PRR5L: variants seen among roughly 807,000 people sequenced by gnomAD.
The protein encoded by PRR5L is proline-rich protein 5-like.
PRR5L carries 21 observed loss-of-function variants against 36.4 expected under a neutral mutation model. The observed-to-expected ratio is 0.58, with a 90% CI of 0.41 to 0.83. The LOEUF (loss-of-function observed/expected upper bound fraction) is 0.83, where lower values mean the gene tolerates loss of function less well. Among genes scored for constraint, PRR5L ranks in the 40% least tolerant of loss-of-function variants. The probability of loss-of-function intolerance (pLI) is 0.00; values close to 1 mark genes in which losing one functional copy is unlikely to be tolerated. For missense variants in PRR5L, 381 were observed against 473.3 expected (o/e 0.80, Z 1.81); for synonymous variants, 188 against 197.0 (o/e 0.95, Z 0.38).
chr11:36,325,224 G>A (rs1027315095), intron 1 of PRR5L, among the ~76,000 whole-genome samples: 13 of 152,310 alleles, frequency 8.5e-5, no homozygotes, highest in Middle Eastern at 3.4e-3. Context: ...CGACCAACCC[G>A]GGCACTTAAC....
At chr11:36,443,974 A>G (rs905911077) in intron 6 of PRR5L, among the ~76,000 whole-genome samples, 3 of 152,240 alleles carry the variant, frequency 2.0e-5, no homozygotes, top group Admixed American at 2.0e-4. Context: ...GGAGAGCAAC[A>G]TGGCAGTATT....
At chr11:36,411,923 G>A (rs1858035856) in intron 3 of PRR5L, among the ~76,000 whole-genome samples, 1 of 152,188 alleles carries the variant, frequency 6.6e-6, no homozygotes, top group South Asian at 2.1e-4. Context: ...TCAAGACCCA[G>A]GGCTTCAGAG....
chr11:36,447,889 G>A (rs560819916), intron 7 of PRR5L, among the ~76,000 whole-genome samples: 6 of 152,208 alleles, frequency 3.9e-5, no homozygotes, highest in Non-Finnish European at 8.8e-5. Context: ...TCGGGTCTGA[G>A]AAGCCTTAAT....
chr11:36,382,502 A>G (rs1857387261), intron 1 of PRR5L, among the ~76,000 whole-genome samples: 1 of 152,212 alleles, frequency 6.6e-6, no homozygotes, highest in East Asian at 1.9e-4. Flanking sequence ...AAACCACAGA[A>G]TCCGATTCAG....
intron 1 of PRR5L, among the ~76,000 whole-genome samples, chr11:36,316,337 G>A (rs981643984): frequency 1.3e-5 from 2 of 152,170 alleles, no homozygotes; most frequent in African/African-American, 4.8e-5. Flanking sequence ...CCACTGCCTA[G>A]ACAGAGCTGA....
chr11:36,362,455 G>T (rs1857100476), intron 1 of PRR5L, among the ~76,000 whole-genome samples: 1 of 151,076 alleles, frequency 6.6e-6, no homozygotes, highest in Non-Finnish European at 1.5e-5. Context: ...CGGGGGCGGT[G>T]GTTGGTGGGA....
intron 3 of PRR5L, among the ~76,000 whole-genome samples, chr11:36,416,859 T>TA: frequency 6.6e-6 from 1 of 152,154 alleles, no homozygotes; most frequent in East Asian, 1.9e-4. Flanking sequence ...CTCAACTGGG[T>TA]AGCATCAGGA....
chr11:36,333,919 A>C (rs1035804406), intron 1 of PRR5L, among the ~76,000 whole-genome samples: 4 of 152,200 alleles, frequency 2.6e-5, no homozygotes, highest in Admixed American at 6.5e-5. Context: ...TTAAAAAGTA[A>C]AAGGAGCTGT....
At chr11:36,310,496 C>A (rs1856489322) in intron 1 of PRR5L, among the ~76,000 whole-genome samples, 3 of 152,132 alleles carry the variant, frequency 2.0e-5, no homozygotes, top group Admixed American at 6.5e-5. Flanking sequence ...TGGAAGGTTA[C>A]TGTTACACAA....
chr11:36,345,777 C>T (rs191877174), intron 1 of PRR5L, among the ~76,000 whole-genome samples: 7 of 152,160 alleles, frequency 4.6e-5, no homozygotes, highest in Non-Finnish European at 8.8e-5. Flanking sequence ...GTGGGTAGGT[C>T]AGGTAACAGC....
At chr11:36,431,983 T>C in intron 5 of PRR5L, 73 bp downstream of exon 5, 1 of 1,345,754 alleles carries the variant, frequency 7.4e-7, no homozygotes, top group Non-Finnish European at 1.1e-6. Context: ...GCTGAGATGC[T>C]TCTGTCCAGA....
intron 1 of PRR5L, among the ~76,000 whole-genome samples, chr11:36,325,149 C>T (rs1856647899): frequency 6.6e-6 from 1 of 152,120 alleles, no homozygotes; most frequent in Admixed American, 6.5e-5. Flanking sequence ...TTTTATAGCT[C>T]TATTAGAAGC....
chr11:36,393,776 A>G (rs1469996477), intron 1 of PRR5L: 1 of 152,226 alleles, frequency 6.6e-6, no homozygotes, highest in Non-Finnish European at 1.5e-5. Context: ...TAGTATGGAC[A>G]TTTTAACAAT....
intron 1 of PRR5L, chr11:36,376,294 GGGA>G: frequency 8.8e-7 from 1 of 1,139,726 alleles, no homozygotes; most frequent in South Asian, 1.6e-5. Flanking sequence ...CAGGAAAAGT[GGGA>G]GGAGAAGGAG....
chr11:36,463,331 GATCT>G lies in PRR5L; in HGVS notation c.*599_*602del, dbSNP rs1171074074. On this transcript the variant is annotated 3_prime_UTR_variant, in exon 9 of 9. Transcript: ENST00000530639. Reference sequence around the variant, plus strand: ...GAAAGTTACCCCACTGGTGGGTGAGGATCTATCCTCAACCTACATCCAGATCCTA... The same window carrying G: ...GAAAGTTACCCCACTGGTGGGTGAGGATCCTCAACCTACATCCAGATCCTA... 1 of 152,196 alleles carries G rather than the reference GATCT, an allele frequency of 6.6e-6. No individual in the cohort carries two copies. The highest frequency in any genetic ancestry group is 2.4e-5 in the African/African-American group (1 of 41,432). The allele number at this position is 152,196 out of a possible 1,614,324, so 9.4% of individuals were successfully genotyped here.
intron 1 of PRR5L, among the ~76,000 whole-genome samples, chr11:36,378,128 G>A (rs1857309284): frequency 6.6e-6 from 1 of 152,178 alleles, no homozygotes; most frequent in South Asian, 2.1e-4. Flanking sequence ...ATGTCAAAGT[G>A]CTGAGCTGTG....
intron 1 of PRR5L, among the ~76,000 whole-genome samples, chr11:36,378,934 C>T (rs547068469): frequency 6.6e-6 from 1 of 152,336 alleles, no homozygotes; most frequent in South Asian, 2.1e-4. Flanking sequence ...ACTCCAGACT[C>T]ATAGTCTGGA....
At chr11:36,443,533 C>A (rs1348620474) in intron 6 of PRR5L, among the ~76,000 whole-genome samples, 2 of 152,112 alleles carry the variant, frequency 1.3e-5, no homozygotes, top group African/African-American at 2.4e-5. Flanking sequence ...CCTTGGTTTT[C>A]TTCTAGAAAA....
At chr11:36,340,676 G>T (rs1438841052) in intron 1 of PRR5L, among the ~76,000 whole-genome samples, 1 of 152,178 alleles carries the variant, frequency 6.6e-6, no homozygotes, top group Non-Finnish European at 1.5e-5. Context: ...AATGGAATTT[G>T]TGTCTCTGCT....
Sources: allele counts gnomAD v4.1 joint callset (sites outside exome capture counted in the v4.1 genomes callset), GRCh38; gene constraint gnomAD v4.1.1; transcripts MANE v1.5; gene names NCBI Gene and HGNC (gene_info 2026-07-23, HGNC 2026-07-21).